The following SLC25A26 variants were observed in gnomAD, a reference collection of about 807,000 sequenced individuals.
SLC25A26 encodes the protein mitochondrial S-adenosylmethionine carrier protein.
A neutral mutation model predicts 37.8 loss-of-function variants in SLC25A26; 36 were observed. That is an observed-to-expected ratio of 0.95 (90% confidence interval 0.73 to 1.26). The LOEUF is 1.26. Ranked by LOEUF, SLC25A26 falls within the 50% of genes most tolerant of loss-of-function variation. SLC25A26 has a pLI of 0.00. For missense variants in SLC25A26, 390 were observed against 331.1 expected (o/e 1.18, Z -1.38); for synonymous variants, 129 against 122.5 (o/e 1.05, Z -0.35).
rs914098457 is a variant in SLC25A26 at position 66,339,506 on chromosome 3, G to A, written c.454-6858G>A. ...TCCCTTGTTCACCAACAGTGAACAA[G>A]GGTTTCATTTTTTTCATATCCTTGC... On this transcript the variant is annotated intron_variant, in intron 5 of 9. Transcript: ENST00000354883. Among the ~76,000 whole-genome samples, 4 of 151,876 alleles carry A rather than the reference G, an allele frequency of 2.6e-5. No individual in the cohort carries two copies. The East Asian group carries it at 7.7e-4, about 29-fold the overall frequency.
At chr3:66,286,481 T>A (rs1002103157) in intron 5 of SLC25A26, among the ~76,000 whole-genome samples, 2 of 152,080 alleles carry the variant, frequency 1.3e-5, no homozygotes, top group Admixed American at 6.5e-5. Context: ...TGCTTTTGCA[T>A]CTTTTAAAAA....
Position 66,142,438 on chromosome 3 carries a change from A to G in SLC25A26, c.-354+8454A>G, listed in dbSNP as rs1261797074. On this transcript the variant is annotated intron_variant, in intron 1 of 10. Transcript: ENST00000676754. ...CTCCCACCCTTCACCTTTGAAGTAGACTATAAAAGAATTTTTTTTTATCTT... is the reference window on the plus strand; with the variant it reads ...CTCCCACCCTTCACCTTTGAAGTAGGCTATAAAAGAATTTTTTTTTATCTT... Among the ~76,000 whole-genome samples the G allele has an allele frequency of 2.0e-5, 3 of 152,292 alleles. No individual in the cohort carries two copies. In the East Asian group the frequency reaches 5.8e-4, roughly 29 times the overall value.
chr3:66,138,586 T>C (rs1025962505), intron 1 of SLC25A26, among the ~76,000 whole-genome samples: 6 of 151,086 alleles, frequency 4.0e-5, no homozygotes, highest in African/African-American at 1.2e-4. Context: ...CTGTGAATTC[T>C]CTGGTAAAAT....
At chr3:66,312,395 C>T (rs1287097066) in intron 5 of SLC25A26, among the ~76,000 whole-genome samples, 22 of 152,184 alleles carry the variant, frequency 1.4e-4, no homozygotes, top group Non-Finnish European at 3.2e-4. Context: ...GAATTTCAAG[C>T]CAGTGGATCT....
At chr3:66,314,645 G>A (rs1398057561) in intron 5 of SLC25A26, among the ~76,000 whole-genome samples, 1 of 152,152 alleles carries the variant, frequency 6.6e-6, no homozygotes, top group Non-Finnish European at 1.5e-5. Flanking sequence ...AATGAATTAG[G>A]GAGGAGCACT....
At chr3:66,304,437 T>TC (rs777536783) in intron 5 of SLC25A26, 3 of 456,458 alleles carry the variant, frequency 6.6e-6, no homozygotes, top group South Asian at 4.6e-5. Context: ...TCATATTTTT[T>TC]CTTCTATTTT....
At chr3:66,135,028 A>C (rs2069926278) in intron 1 of SLC25A26, among the ~76,000 whole-genome samples, 1 of 151,840 alleles carries the variant, frequency 6.6e-6, no homozygotes, top group Non-Finnish European at 1.5e-5. Context: ...ACGGGGTTTC[A>C]CCATGTTGGT....
intron 2 of SLC25A26, among the ~76,000 whole-genome samples, chr3:66,242,105 G>A (rs549671491): frequency 6.6e-6 from 1 of 152,252 alleles, no homozygotes; most frequent in Admixed American, 6.5e-5. Flanking sequence ...AACCTTTTAT[G>A]TTACAAAAGA....
At chr3:66,288,507 T>C (rs1456261944) in intron 5 of SLC25A26, among the ~76,000 whole-genome samples, 4 of 152,068 alleles carry the variant, frequency 2.6e-5, no homozygotes, top group African/African-American at 9.7e-5. Context: ...CCCCAGTGTG[T>C]GATGTTCCCC....
rs1423546126 is a variant in SLC25A26, at chr3:66,263,331, G to T, written c.406-1G>T. On this transcript the variant is annotated splice_acceptor_variant, in intron 4 of 9. Transcript: ENST00000354883. LOFTEE classifies it high-confidence loss of function. The stretch of plus-strand genomic sequence containing the variant: ...AACTCTCGGCTGTGTGTTTGTTTCA[G>T]GGTATCCAAGGGTTGTATCGAGGCT... The T allele has an allele frequency of 1.2e-6, 2 of 1,611,430 alleles. No individual in the cohort carries two copies. Among genetic ancestry groups the T allele is most frequent in the Non-Finnish European group, 1.7e-6 (2 of 1,178,242 alleles).
chr3:66,243,673 A>C (rs537989914), intron 3 of SLC25A26, among the ~76,000 whole-genome samples: 1 of 152,212 alleles, frequency 6.6e-6, no homozygotes, highest in Non-Finnish European at 1.5e-5. Flanking sequence ...TCCTTTCCGA[A>C]ATAGTTTCAG....
chr3:66,267,002 AT>A (rs2073779423), intron 5 of SLC25A26, among the ~76,000 whole-genome samples: 1 of 152,156 alleles, frequency 6.6e-6, no homozygotes, highest in African/African-American at 2.4e-5. Flanking sequence ...TTGTCCACAA[AT>A]TTCACTCAGC....
intron 5 of SLC25A26, among the ~76,000 whole-genome samples, chr3:66,316,537 G>C (rs993448749): frequency 3.9e-5 from 6 of 152,054 alleles, no homozygotes; most frequent in African/African-American, 1.4e-4. Context: ...CTCTCTGGCT[G>C]CCCTTAACAT....
At chr3:66,261,964 T>C in intron 3 of SLC25A26, 87 bp from the exon 4 acceptor site, 1 of 748,506 alleles carries the variant, frequency 1.3e-6, no homozygotes, top group South Asian at 1.7e-5. Context: ...ATATTATACC[T>C]TTTTACTACA....
chr3:66,258,514 T>C (rs1248368827), intron 3 of SLC25A26, among the ~76,000 whole-genome samples: 1 of 152,212 alleles, frequency 6.6e-6, no homozygotes, highest in African/African-American at 2.4e-5. Context: ...TGTAAATGAA[T>C]GTTCAGCTCT....
intron 7 of SLC25A26, among the ~76,000 whole-genome samples, chr3:66,369,260 A>C (rs560919547): frequency 6.6e-6 from 1 of 152,276 alleles, no homozygotes; most frequent in South Asian, 2.1e-4. Context: ...TGTATTTTTC[A>C]CCTGAGTGGG....
chr3:66,217,132 T>A (rs1198862016), upstream of SLC25A26, among the ~76,000 whole-genome samples: 1 of 152,238 alleles, frequency 6.6e-6, no homozygotes, highest in Non-Finnish European at 1.5e-5. Flanking sequence ...CAACACAATT[T>A]TTTCTTGCAA....
At chr3:66,252,107 T>A (rs1337850336) in intron 3 of SLC25A26, among the ~76,000 whole-genome samples, 1 of 152,170 alleles carries the variant, frequency 6.6e-6, no homozygotes, top group Non-Finnish European at 1.5e-5. Flanking sequence ...TGAATACTAC[T>A]CTCAAAGGAC....
Position 66,243,318 on chromosome 3 carries a change from T to G in SLC25A26, c.300+6T>G. ...CTGCCTCTGCTGGAGAAGTGGTAAG[T>G]AACAAGTTTTGTGTATAAAATACTT... is the stretch of plus-strand genomic sequence containing the variant. On this transcript the variant is annotated splice_donor_region_variant and intron_variant, in intron 3 of 9. Coordinates refer to ENST00000354883, the MANE Select transcript of SLC25A26 (RefSeq NM_001379210.1). 6.8e-7 allele frequency: 1 copy of G among 1,481,176 alleles called. No individual in the cohort carries two copies. Among genetic ancestry groups the G allele is most frequent in the Non-Finnish European group, 9.4e-7 (1 of 1,064,304 alleles). 91.8% of individuals were successfully genotyped at this position (1,481,176 alleles called of 1,614,324 possible).
Sources: allele counts gnomAD v4.1 joint callset (sites outside exome capture counted in the v4.1 genomes callset), GRCh38; gene constraint gnomAD v4.1.1; transcripts MANE v1.5; gene names NCBI Gene and HGNC (gene_info 2026-07-23, HGNC 2026-07-21).